Variants in GPC6 observed in about 807,000 individuals in gnomAD.
GPC6 encodes the protein glypican-6.
Under a neutral mutation model 55.2 loss-of-function variants are expected in GPC6, and 14 were observed. That is an observed-to-expected ratio of 0.25 (90% CI 0.17 to 0.40). The LOEUF (loss-of-function observed/expected upper bound fraction) is 0.40, where lower values mean the gene tolerates loss of function less well. Among genes scored for constraint, GPC6 ranks in the 10% least tolerant of loss-of-function variants. The probability of loss-of-function intolerance (pLI) is 1.00; values close to 1 mark genes in which losing one functional copy is unlikely to be tolerated. For synonymous variants in GPC6, 278 were observed against 259.6 expected (o/e 1.07, Z -0.68); for missense variants, 641 against 708.5 (o/e 0.90, Z 1.08).
intron 4 of GPC6, among the ~76,000 whole-genome samples, chr13:94,238,057 G>A (rs1260568596): frequency 6.6e-6 from 1 of 152,158 alleles, no homozygotes; most frequent in African/African-American, 2.4e-5. Flanking sequence ...GAAGGTTGAG[G>A]AGAGCAACGA....
intron 1 of GPC6, among the ~76,000 whole-genome samples, chr13:93,538,104 C>T (rs1446441179): frequency 6.6e-6 from 1 of 151,888 alleles, no homozygotes; most frequent in Non-Finnish European, 1.5e-5. Context: ...CATGTGGAAA[C>T]ATAAGCTGGA....
chr13:93,239,512 T>C (rs56102520), intron 1 of GPC6, among the ~76,000 whole-genome samples: 47,148 of 151,630 alleles, frequency 0.31, 7,465 homozygotes, highest in Admixed American at 0.4. Flanking sequence ...ATTGAGCTTA[T>C]TTGAATCTTC....
intron 6 of GPC6, among the ~76,000 whole-genome samples, chr13:94,307,615 T>C (rs1313845168): frequency 6.6e-6 from 1 of 152,230 alleles, no homozygotes; most frequent in Non-Finnish European, 1.5e-5. Context: ...GCTCAGCGGC[T>C]TACATCTATT....
intron 2 of GPC6, among the ~76,000 whole-genome samples, chr13:93,589,028 T>G (rs1222515689): frequency 6.6e-6 from 1 of 152,158 alleles, no homozygotes; most frequent in East Asian, 1.9e-4. Flanking sequence ...CCTTATAAAA[T>G]CAAAACCCTT....
At chr13:93,918,426 C>T (rs937370862) in intron 3 of GPC6, among the ~76,000 whole-genome samples, 1 of 151,840 alleles carries the variant, frequency 6.6e-6, no homozygotes, top group East Asian at 1.9e-4. Flanking sequence ...TCAGAGCTAA[C>T]TCAAAGTCGC....
chr13:94,376,781 A>G (rs1008089466), intron 6 of GPC6, among the ~76,000 whole-genome samples: 3 of 152,170 alleles, frequency 2.0e-5, no homozygotes, highest in Non-Finnish European at 2.9e-5. Flanking sequence ...GAGACATCAC[A>G]CTACCTGACT....
intron 1 of GPC6, among the ~76,000 whole-genome samples, chr13:93,281,983 T>G (rs1217425519): frequency 1.3e-5 from 2 of 152,144 alleles, no homozygotes; most frequent in Non-Finnish European, 2.9e-5. Flanking sequence ...AAAGGTGAGG[T>G]GCGAAGGACC....
chr13:94,244,564 T>C (rs1312259579), intron 4 of GPC6, among the ~76,000 whole-genome samples: 5 of 152,152 alleles, frequency 3.3e-5, no homozygotes, highest in African/African-American at 1.2e-4. Context: ...AAACATTTAT[T>C]TTGTCTTTCT....
In GPC6 at chr13:94,407,040, C is replaced by A. The variant is rs1041873935; in HGVS notation, c.*3823C>A. The stretch of plus-strand genomic sequence containing the variant: ...TAGCCAGTGTTTAGTTTTAGACCAA[C>A]TTATACAAAGAGAGTATTGATTTGT... On this transcript the variant is annotated 3_prime_UTR_variant, in exon 9 of 9. Coordinates refer to ENST00000377047, the MANE Select transcript of GPC6 (RefSeq NM_005708.5). 1.3e-5 allele frequency: 2 copies of A among 152,094 alleles called. No homozygotes were observed. The highest frequency in any genetic ancestry group is 2.9e-5 in the Non-Finnish European group (2 of 67,956). The allele number at this position is 152,094 out of a possible 1,614,324, so 9.4% of individuals were successfully genotyped here. A position where few individuals can be genotyped will look rare whatever the true frequency, so the allele number is the denominator to read the frequency against.
intron 2 of GPC6, among the ~76,000 whole-genome samples, chr13:93,696,824 A>T (rs1882475310): frequency 6.6e-6 from 1 of 151,882 alleles, no homozygotes; most frequent in Non-Finnish European, 1.5e-5. Flanking sequence ...GGTTTTCACC[A>T]TGTTGGCCAG....
chr13:94,182,980 G>A (rs947846412), intron 4 of GPC6, among the ~76,000 whole-genome samples: 1 of 152,130 alleles, frequency 6.6e-6, no homozygotes, highest in African/African-American at 2.4e-5. Flanking sequence ...GTCTCACTGT[G>A]TTGCCCAGGC....
At chr13:93,516,225 G>A (rs947983307) in intron 1 of GPC6, among the ~76,000 whole-genome samples, 4 of 152,118 alleles carry the variant, frequency 2.6e-5, no homozygotes, top group Admixed American at 2.0e-4. Flanking sequence ...TCACAGCACC[G>A]ATGTTATCAA....
intron 1 of GPC6, among the ~76,000 whole-genome samples, chr13:93,405,950 G>A (rs186468183): frequency 3.1e-4 from 47 of 152,318 alleles, no homozygotes; most frequent in Non-Finnish European, 5.1e-4. Context: ...CCCATGTCTG[G>A]TAGTTGGTGT....
At chr13:93,886,754 T>G (rs1170053615) in intron 3 of GPC6, among the ~76,000 whole-genome samples, 1 of 148,370 alleles carries the variant, frequency 6.7e-6, no homozygotes, top group African/African-American at 2.5e-5. Context: ...CTGTCATTTT[T>G]TTTTTGTTTT....
intron 3 of GPC6, among the ~76,000 whole-genome samples, chr13:93,916,972 G>A (rs1454377208): frequency 2.0e-5 from 3 of 152,110 alleles, no homozygotes; most frequent in East Asian, 1.9e-4. Context: ...TGCTTTATGT[G>A]TATCATAAGC....
intron 4 of GPC6, among the ~76,000 whole-genome samples, chr13:94,271,739 C>G (rs946605711): frequency 1.3e-5 from 2 of 152,002 alleles, no homozygotes; most frequent in Non-Finnish European, 2.9e-5. Flanking sequence ...CTCTCCATCC[C>G]CCTCACTTTC....
At chr13:94,280,997 A>G (rs1892363861) in intron 4 of GPC6, among the ~76,000 whole-genome samples, 1 of 152,126 alleles carries the variant, frequency 6.6e-6, no homozygotes, top group South Asian at 2.1e-4. Context: ...TGCTTCATCT[A>G]TGTCACTTCA....
chr13:93,404,638 AC>A (rs1486298239), intron 1 of GPC6, among the ~76,000 whole-genome samples: 4 of 152,166 alleles, frequency 2.6e-5, no homozygotes, highest in Non-Finnish European at 5.9e-5. Flanking sequence ...ATTCGTTACC[AC>A]TGCAATGATT....
At chr13:93,426,352 C>T (rs981816501) in intron 1 of GPC6, among the ~76,000 whole-genome samples, 5 of 151,690 alleles carry the variant, frequency 3.3e-5, no homozygotes, top group Non-Finnish European at 7.4e-5. Flanking sequence ...CGTCATCTAG[C>T]ATTAGGTATA....
Sources: allele counts gnomAD v4.1 joint callset (sites outside exome capture counted in the v4.1 genomes callset), GRCh38; gene constraint gnomAD v4.1.1; transcripts MANE v1.5; gene names NCBI Gene and HGNC (gene_info 2026-07-23, HGNC 2026-07-21).